CEP112: variants seen among roughly 807,000 people sequenced by gnomAD.
CEP112 encodes centrosomal protein 112.
A neutral mutation model predicts 153.0 loss-of-function variants in CEP112; 127 were observed. The observed-to-expected ratio is 0.83, with a 90% confidence interval of 0.72 to 0.96. The LOEUF (loss-of-function observed/expected upper bound fraction) is 0.96. CEP112 is among the 40% of genes least tolerant of loss of function. The pLI is 0.00. For synonymous variants in CEP112, 358 were observed against 374.4 expected (o/e 0.96, Z 0.51); for missense variants, 1,089 against 1,101.2 (o/e 0.99, Z 0.16).
chr17:66,116,117 T>C (rs1324185768), intron 6 of CEP112, among the ~76,000 whole-genome samples: 1 of 152,088 alleles, frequency 6.6e-6, no homozygotes, highest in African/African-American at 2.4e-5. Context: ...AAGGGAAGGG[T>C]AAGTAATGAA....
intron 17 of CEP112, among the ~76,000 whole-genome samples, chr17:65,964,926 TAA>T (rs2062354441): frequency 6.6e-6 from 1 of 152,220 alleles, no homozygotes; most frequent in Non-Finnish European, 1.5e-5. Context: ...TTGAAAACTT[TAA>T]AAGTTTATAT....
chr17:66,168,436 T>C (rs1184357665), intron 4 of CEP112, among the ~76,000 whole-genome samples: 1 of 147,428 alleles, frequency 6.8e-6, no homozygotes, highest in East Asian at 1.9e-4. Flanking sequence ...TATATATGTA[T>C]ATATATGTGT....
chr17:65,799,103 A>G (rs2055106903), intron 21 of CEP112, among the ~76,000 whole-genome samples: 1 of 152,188 alleles, frequency 6.6e-6, no homozygotes, highest in African/African-American at 2.4e-5. Flanking sequence ...AGTATATGAT[A>G]ATGTAGTATT....
chr17:66,125,227 T>C (rs2069787852), intron 6 of CEP112, among the ~76,000 whole-genome samples: 1 of 152,262 alleles, frequency 6.6e-6, no homozygotes, highest in Admixed American at 6.5e-5. Context: ...TCATAACTCT[T>C]CTTCATTTGG....
chr17:65,745,205 T>A (rs931257105), intron 22 of CEP112, among the ~76,000 whole-genome samples: 1 of 152,236 alleles, frequency 6.6e-6, no homozygotes, highest in Non-Finnish European at 1.5e-5. Flanking sequence ...AATAATCAAA[T>A]ATTTAGCCGA....
Position 66,053,874 on chromosome 17 carries a change from G to A in CEP112, c.1080C>T (p.His360=). The A allele has an allele frequency of 6.2e-7, 1 of 1,610,380 alleles. No homozygotes were observed. The change falls in exon 12 of 27, where the codon CAC becomes CAT. Residue 360 remains histidine (H), a synonymous_variant. Transcript: ENST00000535342. ...SLNNDWEKKL[H]NAVAEMEQEK... ...CCTGTTCCATTTCTGCTACAGCATTGTGAAGCTACATCAGGAAATCAAGAG... is the reference window on the plus strand; with the variant it reads ...CCTGTTCCATTTCTGCTACAGCATTATGAAGCTACATCAGGAAATCAAGAG...
At chr17:65,980,057 G>T (rs985321701) in intron 17 of CEP112, among the ~76,000 whole-genome samples, 1 of 151,992 alleles carries the variant, frequency 6.6e-6, no homozygotes, top group Non-Finnish European at 1.5e-5. Flanking sequence ...CCAAATCAAA[G>T]AATCAGACAT....
intron 4 of CEP112, among the ~76,000 whole-genome samples, chr17:66,156,697 T>C (rs1017379555): frequency 2.4e-4 from 36 of 152,170 alleles, no homozygotes; most frequent in African/African-American, 7.9e-4. Flanking sequence ...AATGACCTGA[T>C]GGAGCTGAAA....
Position 65,973,021 on chromosome 17 carries a change from C to G in CEP112, c.1737-11423G>C, listed in dbSNP as rs566088334. Reference sequence around the variant, plus strand: ...CCTCAGGTGATCTGCCCGCCTTGGCCTCCGAAAGTCTTGGAATTACAGGCG... The same window carrying G: ...CCTCAGGTGATCTGCCCGCCTTGGCGTCCGAAAGTCTTGGAATTACAGGCG... On this transcript the variant is annotated intron_variant, in intron 17 of 26. Transcript: ENST00000535342. 8.1e-4 allele frequency among the ~76,000 whole-genome samples: 123 copies of G among 152,340 alleles called. 1 individual carries two copies. Among genetic ancestry groups the G allele is most frequent in the African/African-American group, 2.8e-3 (117 of 41,586 alleles).
At chr17:65,822,146 TACTA>T (rs2146023480) in intron 21 of CEP112, among the ~76,000 whole-genome samples, 1 of 152,142 alleles carries the variant, frequency 6.6e-6, no homozygotes, top group African/African-American at 2.4e-5. Context: ...TAATGTAGTA[TACTA>T]CATCCTACTA....
chr17:66,128,374 C>T (rs992904), intron 6 of CEP112, among the ~76,000 whole-genome samples: 57,816 of 150,600 alleles, frequency 0.38, 12,654 homozygotes, highest in East Asian at 0.87. Flanking sequence ...TAATCAAGAC[C>T]TTGTCTGCAT....
intron 24 of CEP112, among the ~76,000 whole-genome samples, chr17:65,686,031 G>C (rs1241674730): frequency 6.7e-6 from 1 of 149,326 alleles, no homozygotes; most frequent in Non-Finnish European, 1.5e-5. Context: ...GTCAAATTTA[G>C]ATAAAAGATT....
At chr17:65,838,941 C>T (rs2057417953) in intron 21 of CEP112, among the ~76,000 whole-genome samples, 1 of 151,984 alleles carries the variant, frequency 6.6e-6, no homozygotes, top group African/African-American at 2.4e-5. Context: ...TGCAACATAC[C>T]AAAATTCAAC....
Position 66,140,195 on chromosome 17 carries a change from G to A in CEP112, c.471-7432C>T, listed in dbSNP as rs752113796. On this transcript the variant is annotated intron_variant, in intron 4 of 26. Coordinates refer to ENST00000535342, the MANE Select transcript of CEP112 (RefSeq NM_001199165.4). ...TAGAGATTATATGATCATTTGGATC[G>A]ATGCAGAAAGAGCATGACGAAATTC... Among the ~76,000 whole-genome samples the A allele has an allele frequency of 3.7e-4, 56 of 152,110 alleles. 1 individual carries two copies. The highest frequency in any genetic ancestry group is 3.0e-3 in the Admixed American group (46 of 15,266).
intron 12 of CEP112, among the ~76,000 whole-genome samples, chr17:66,031,899 A>C (rs2065503202): frequency 1.3e-5 from 2 of 152,200 alleles, no homozygotes; most frequent in Non-Finnish European, 2.9e-5. Context: ...GGGGCAAGGA[A>C]ACAAAGGCAG....
At chr17:66,151,168 T>A (rs959928167) in intron 4 of CEP112, among the ~76,000 whole-genome samples, 2 of 152,220 alleles carry the variant, frequency 1.3e-5, no homozygotes, top group Non-Finnish European at 2.9e-5. Flanking sequence ...GCTTCCAGTG[T>A]TGAGTTCATT....
rs565024697 is a variant in CEP112 at position 66,104,898 on chromosome 17, G to A, written c.643-8266C>T. Among the ~76,000 whole-genome samples, 148 of 152,228 alleles carry A rather than the reference G, an allele frequency of 9.7e-4. 1 individual carries two copies. The highest frequency in any genetic ancestry group is 8.1e-4 in the Non-Finnish European group (55 of 68,004). ...AATGCTAAAGGAATTTCTTTGATCC[G>A]AAAGGAAAGGACATTAATGTGCAAT... On this transcript the variant is annotated intron_variant, in intron 6 of 26. Coordinates refer to ENST00000535342, the MANE Select transcript of CEP112 (RefSeq NM_001199165.4).
Position 65,905,384 on chromosome 17 carries a change from A to G in CEP112, c.1981-3050T>C, listed in dbSNP as rs141978361. Among the ~76,000 whole-genome samples the G allele has an allele frequency of 9.5e-3, 1,449 of 152,336 alleles. 9 individuals carry two copies. The highest frequency in any genetic ancestry group is 0.051 in the Middle Eastern group (15 of 294). ...ATCACTGGTCATTAGAGAAATGCAAATCAAAACCACAATGAGATAACATCT... is the reference window on the plus strand; with the variant it reads ...ATCACTGGTCATTAGAGAAATGCAAGTCAAAACCACAATGAGATAACATCT... On this transcript the variant is annotated intron_variant, in intron 19 of 26. Transcript: ENST00000535342.
intron 8 of CEP112, among the ~76,000 whole-genome samples, chr17:66,095,854 C>T (rs2068321025): frequency 6.6e-6 from 1 of 152,014 alleles, no homozygotes; most frequent in African/African-American, 2.4e-5. Context: ...GGAGGAGGAT[C>T]ACTTGAGGCC....
Sources: allele counts gnomAD v4.1 joint callset (sites outside exome capture counted in the v4.1 genomes callset), GRCh38; gene constraint gnomAD v4.1.1; transcripts MANE v1.5; gene names NCBI Gene and HGNC (gene_info 2026-07-23, HGNC 2026-07-21).